CNTN4: variants seen among roughly 807,000 people sequenced by gnomAD.
CNTN4 encodes the protein contactin 4.
Under a neutral mutation model 122.5 loss-of-function variants are expected in CNTN4, and 77 were observed. The observed-to-expected ratio is 0.63, with a 90% CI of 0.52 to 0.76. CNTN4 has a LOEUF of 0.76. Ranked by LOEUF, CNTN4 falls within the 30% of genes least tolerant of loss-of-function variation. The pLI is 0.00. For missense variants in CNTN4, 1,256 were observed against 1,259.1 expected (o/e 1.00, Z 0.04); for synonymous variants, 512 against 447.0 (o/e 1.15, Z -1.83).
At chr3:2,751,157 A>C (rs1166238864) in intron 6 of CNTN4, among the ~76,000 whole-genome samples, 1 of 151,660 alleles carries the variant, frequency 6.6e-6, no homozygotes, top group Non-Finnish European at 1.5e-5. Flanking sequence ...CAAAAAAAAA[A>C]ATTAGCCAGG....
intron 2 of CNTN4, among the ~76,000 whole-genome samples, chr3:2,282,746 A>G (rs1038025605): frequency 6.6e-6 from 1 of 152,196 alleles, no homozygotes; most frequent in African/African-American, 2.4e-5. Flanking sequence ...AAACAACTCA[A>G]ATGTTCATCA....
chr3:2,382,703 A>C (rs1205118403), intron 3 of CNTN4, among the ~76,000 whole-genome samples: 1 of 152,178 alleles, frequency 6.6e-6, no homozygotes, highest in Admixed American at 6.5e-5. Context: ...TAGGTATGCC[A>C]GTGCTGTGAG....
At chr3:2,935,146 T>C (rs780594762) in intron 13 of CNTN4, among the ~76,000 whole-genome samples, 18 of 152,326 alleles carry the variant, frequency 1.2e-4, no homozygotes, top group Non-Finnish European at 2.5e-4. Flanking sequence ...TATGGCATGT[T>C]ATTTTATGGC....
chr3:2,814,019 T>C (rs2092673184), intron 6 of CNTN4, among the ~76,000 whole-genome samples: 1 of 152,240 alleles, frequency 6.6e-6, no homozygotes, highest in African/African-American at 2.4e-5. Context: ...TAGCATGTTT[T>C]CTAATCTCAT....
intron 3 of CNTN4, among the ~76,000 whole-genome samples, chr3:2,356,847 T>G (rs1575449785): frequency 6.6e-6 from 1 of 152,230 alleles, no homozygotes; most frequent in Non-Finnish European, 1.5e-5. Context: ...GAATAGATGC[T>G]GTCTTTGGCT....
chr3:2,255,025 G>A (rs1221469678), intron 2 of CNTN4, among the ~76,000 whole-genome samples: 1 of 152,096 alleles, frequency 6.6e-6, no homozygotes, highest in Non-Finnish European at 1.5e-5. Flanking sequence ...TTAGGTCTTA[G>A]GTTTAAGTGT....
At chr3:2,520,116 A>C (rs1478427239) in intron 3 of CNTN4, among the ~76,000 whole-genome samples, 2 of 152,060 alleles carry the variant, frequency 1.3e-5, no homozygotes, top group Non-Finnish European at 2.9e-5. Context: ...ATATTTTGCT[A>C]TGCCTAAGTA....
At chr3:2,498,379 C>T (rs1471486) in intron 3 of CNTN4, among the ~76,000 whole-genome samples, 83,024 of 152,002 alleles carry the variant, frequency 0.55, 22,891 homozygotes, top group Admixed American at 0.6. Context: ...TTACATTCCT[C>T]CTAGCAATGT....
intron 3 of CNTN4, among the ~76,000 whole-genome samples, chr3:2,365,772 C>T (rs1361164921): frequency 6.6e-6 from 1 of 152,134 alleles, no homozygotes; most frequent in Non-Finnish European, 1.5e-5. Flanking sequence ...GGTCAAAAGT[C>T]ATCCACATAT....
intron 3 of CNTN4, among the ~76,000 whole-genome samples, chr3:2,504,116 C>T (rs932465536): frequency 6.6e-6 from 1 of 152,062 alleles, no homozygotes; most frequent in African/African-American, 2.4e-5. Context: ...GAGCTCTCTG[C>T]TTCCTTAATA....
In CNTN4 at chr3:2,658,819, A is replaced by G. The variant is rs568078419; in HGVS notation, c.56-77396A>G. Reference sequence around the variant, plus strand: ...TCTTAGTTTCAAGCCTTTTTTTATAATGAAGCTCACTCTATCTCCAATAGA... The same window carrying G: ...TCTTAGTTTCAAGCCTTTTTTTATAGTGAAGCTCACTCTATCTCCAATAGA... On this transcript the variant is annotated intron_variant, in intron 4 of 24. Transcript: ENST00000418658. 3.3e-5 allele frequency among the ~76,000 whole-genome samples: 5 copies of G among 152,178 alleles called. No individual in the cohort carries two copies. The East Asian group carries it at 5.8e-4, about 18-fold the overall frequency.
chr3:2,249,659 C>G (rs2040299195), intron 2 of CNTN4, among the ~76,000 whole-genome samples: 1 of 151,772 alleles, frequency 6.6e-6, no homozygotes, highest in African/African-American at 2.4e-5. Flanking sequence ...TAAAATGGGT[C>G]TTGGTAAAAC....
At chr3:2,297,184 A>T (rs1387949564) in intron 2 of CNTN4, among the ~76,000 whole-genome samples, 1 of 152,178 alleles carries the variant, frequency 6.6e-6, no homozygotes, top group East Asian at 1.9e-4. Flanking sequence ...ATTTTTCCAG[A>T]TTTGATGTGT....
At chr3:2,241,704 A>G (rs947389005) in intron 2 of CNTN4, among the ~76,000 whole-genome samples, 29 of 152,284 alleles carry the variant, frequency 1.9e-4, no homozygotes, top group African/African-American at 6.3e-4. Flanking sequence ...CTGCCTCCCA[A>G]TTAGACTGTG....
At chr3:2,560,865 A>G (rs1369477285) in intron 3 of CNTN4, among the ~76,000 whole-genome samples, 1 of 152,236 alleles carries the variant, frequency 6.6e-6, no homozygotes, top group Non-Finnish European at 1.5e-5. Context: ...AGTAAAGGAT[A>G]GAGTGCCGTA....
intron 2 of CNTN4, among the ~76,000 whole-genome samples, chr3:2,266,529 G>T (rs1217331932): frequency 6.6e-6 from 1 of 152,004 alleles, no homozygotes; most frequent in Non-Finnish European, 1.5e-5. Flanking sequence ...ACAAGATGGA[G>T]ATTTGGTCCT....
intron 3 of CNTN4, among the ~76,000 whole-genome samples, chr3:2,347,349 CT>C (rs36163151): frequency 0.37 from 55,109 of 150,566 alleles, 10,419 homozygotes; most frequent in African/African-American, 0.44. Flanking sequence ...GTCATTTTTC[CT>C]CATATTCCAC....
chr3:2,991,925 A>G (rs1008758558), intron 14 of CNTN4, among the ~76,000 whole-genome samples: 5 of 152,162 alleles, frequency 3.3e-5, no homozygotes, highest in African/African-American at 1.2e-4. Context: ...CGATTTCCTC[A>G]TGTGTCTGGG....
chr3:2,734,379 C>T lies in CNTN4; in HGVS notation c.56-1836C>T, dbSNP rs148272386. Among the ~76,000 whole-genome samples the T allele has an allele frequency of 4.9e-3, 747 of 152,270 alleles. 8 individuals carry two copies. Among genetic ancestry groups the T allele is most frequent in the African/African-American group, 0.017 (702 of 41,570 alleles). ...GCCCAGCCTGTTTTCCCATTTTTAA[C>T]TGATAAAGAATCACTGGCCTAGTCT... On this transcript the variant is annotated intron_variant, in intron 4 of 24. Coordinates refer to ENST00000418658, the MANE Select transcript of CNTN4 (RefSeq NM_175607.3).
Sources: gnomAD v4.1 joint callset for allele counts (sites outside exome capture counted in the v4.1 genomes callset) on GRCh38, gnomAD v4.1.1 for gene constraint, MANE v1.5 for transcripts, NCBI Gene and HGNC (gene_info 2026-07-23, HGNC 2026-07-21) for gene names.